Variants in TENM2 observed in about 807,000 individuals in gnomAD.
The protein encoded by TENM2 is teneurin-2.
In TENM2, 52 loss-of-function variants were observed where a neutral mutation model predicts 245.2. The observed-to-expected ratio is 0.21, with a 90% CI of 0.17 to 0.27. The LOEUF is 0.27. TENM2 is among the 10% of genes least tolerant of loss of function. The pLI, the probability that TENM2 is intolerant of heterozygous loss-of-function variation, is 1.00. For missense variants in TENM2, 3,046 were observed against 3,666.8 expected, an observed-to-expected ratio of 0.83 and a Z score of 4.37; for synonymous variants, 1,363 against 1,438.9, an observed-to-expected ratio of 0.95 and a Z score of 1.19.
At chr5:168,260,902 C>T (rs1218772116) in intron 28 of TENM2, among the ~76,000 whole-genome samples, 1 of 152,134 alleles carries the variant, frequency 6.6e-6, no homozygotes, top group African/African-American at 2.4e-5. Context: ...CTGCGATGAC[C>T]GAGGGGTGGT....
At chr5:167,947,603 A>G (rs971052074) in intron 3 of TENM2, among the ~76,000 whole-genome samples, 1 of 152,168 alleles carries the variant, frequency 6.6e-6, no homozygotes, top group Admixed American at 6.5e-5. Context: ...TTCAAGGTCA[A>G]ATTTGAACAG....
At chr5:167,459,500 TGGG>T in intron 2 of TENM2, among the ~76,000 whole-genome samples, 1 of 152,224 alleles carries the variant, frequency 6.6e-6, no homozygotes, top group Admixed American at 6.5e-5. Context: ...TTCAATCCTT[TGGG>T]GTATATACCC....
At chr5:168,106,180 C>T (rs758119867) in intron 9 of TENM2, among the ~76,000 whole-genome samples, 1 of 152,198 alleles carries the variant, frequency 6.6e-6, no homozygotes, top group Non-Finnish European at 1.5e-5. Flanking sequence ...GCCACAACCA[C>T]GGGAACATAA....
At chr5:167,724,263 A>G (rs528035379) in intron 2 of TENM2, among the ~76,000 whole-genome samples, 1 of 152,324 alleles carries the variant, frequency 6.6e-6, no homozygotes, top group East Asian at 1.9e-4. Context: ...GGTTTTGGAA[A>G]AGACAATCTG....
intron 2 of TENM2, among the ~76,000 whole-genome samples, chr5:167,767,495 G>A (rs1763111874): frequency 6.6e-6 from 1 of 152,176 alleles, no homozygotes; most frequent in Non-Finnish European, 1.5e-5. Context: ...CTGCCCAACA[G>A]TGTGAATGTA....
chr5:167,817,475 C>T (rs1044079236), intron 2 of TENM2, among the ~76,000 whole-genome samples: 3 of 152,098 alleles, frequency 2.0e-5, no homozygotes, highest in Non-Finnish European at 2.9e-5. Context: ...TATGAAAAGA[C>T]AGCCTTTATA....
At chr5:168,130,447 A>G (rs1025528154) in intron 12 of TENM2, 9 of 152,326 alleles carry the variant, frequency 5.9e-5, no homozygotes, top group South Asian at 4.1e-4. Context: ...GTATCTTTGG[A>G]ATATATTAGC....
At chr5:167,175,799 T>G in the TENM2 span, among the ~76,000 whole-genome samples, 1 of 152,222 alleles carries the variant, frequency 6.6e-6, no homozygotes, top group Admixed American at 6.5e-5. Context: ...AACCTGAGCC[T>G]CCTGGGTTCA....
chr5:167,318,739 A>G (rs1300739342), intron 1 of TENM2, among the ~76,000 whole-genome samples: 2 of 152,228 alleles, frequency 1.3e-5, no homozygotes, highest in African/African-American at 4.8e-5. Flanking sequence ...GTGGCCAGTT[A>G]GAAATATAGG....
the TENM2 span, among the ~76,000 whole-genome samples, chr5:167,216,173 C>T: frequency 5.9e-5 from 9 of 152,180 alleles, no homozygotes; most frequent in African/African-American, 1.4e-4. Context: ...GAATGGAAAG[C>T]GAAGGCAGTC....
At chr5:167,208,075 T>C in the TENM2 span, among the ~76,000 whole-genome samples, 1 of 152,184 alleles carries the variant, frequency 6.6e-6, no homozygotes, top group Admixed American at 6.5e-5. Context: ...ATTCTTATTG[T>C]AGTCTTTCAT....
chr5:167,789,611 G>A (rs1409550897), intron 2 of TENM2, among the ~76,000 whole-genome samples: 2 of 152,144 alleles, frequency 1.3e-5, no homozygotes, highest in South Asian at 2.1e-4. Context: ...ATTTGGGTTG[G>A]TTTTCTTTGC....
At chr5:167,764,980 G>C (rs899914396) in intron 2 of TENM2, among the ~76,000 whole-genome samples, 1 of 152,134 alleles carries the variant, frequency 6.6e-6, no homozygotes, top group Non-Finnish European at 1.5e-5. Context: ...AGCAAGCTGA[G>C]TATGGTGGAG....
rs74330669 is a variant in TENM2 at position 167,475,325 on chromosome 5, G to A, written c.502+99852G>A. 6.8e-3 allele frequency among the ~76,000 whole-genome samples: 1,029 copies of A among 151,992 alleles called. 27 individuals carry two copies. In the South Asian group the frequency reaches 0.08, roughly 12 times the overall value. On this transcript the variant is annotated intron_variant, in intron 2 of 28. Coordinates refer to ENST00000518659, the Ensembl canonical transcript of TENM2. ...GAAACTATTGACCCAAAGAAGTATT[G>A]TTTATGTACATTATACCTGCCAATA... is the stretch of plus-strand genomic sequence containing the variant.
At chr5:168,083,898 T>G (rs1285869957) in intron 7 of TENM2, among the ~76,000 whole-genome samples, 1 of 152,028 alleles carries the variant, frequency 6.6e-6, no homozygotes, top group Non-Finnish European at 1.5e-5. Flanking sequence ...TCCCAGTAGT[T>G]TTTTAACCCT....
At chr5:167,358,997 G>A (rs547132789) in intron 1 of TENM2, among the ~76,000 whole-genome samples, 4 of 151,750 alleles carry the variant, frequency 2.6e-5, no homozygotes, top group East Asian at 1.9e-4. Context: ...TGCCCACCCC[G>A]ACACTCTTTC....
At chr5:166,990,756 A>C in the TENM2 span, among the ~76,000 whole-genome samples, 1 of 152,194 alleles carries the variant, frequency 6.6e-6, no homozygotes, top group Non-Finnish European at 1.5e-5. Context: ...AAAATTTTTT[A>C]CTTTTCTGTT....
chr5:167,893,667 C>T lies in TENM2; in HGVS notation c.712+17472C>T, dbSNP rs140639866. 3.2e-3 allele frequency among the ~76,000 whole-genome samples: 476 copies of T among 148,272 alleles called. 4 individuals carry two copies. Among genetic ancestry groups the T allele is most frequent in the African/African-American group, 0.011 (448 of 40,148 alleles). ...TTTTTAGTAAGAGGCATTTCAAGAA[C>T]GTGTTAGAGGGAGAAAGAATGTTGC... On this transcript the variant is annotated intron_variant, in intron 3 of 28. Transcript: ENST00000518659.
At chr5:167,542,352 G>A (rs1772270051) in intron 2 of TENM2, among the ~76,000 whole-genome samples, 1 of 152,082 alleles carries the variant, frequency 6.6e-6, no homozygotes, top group Non-Finnish European at 1.5e-5. Context: ...TATAAACATG[G>A]TCTGCCCCTA....
Sources: gnomAD v4.1 joint callset for allele counts (sites outside exome capture counted in the v4.1 genomes callset) on GRCh38, gnomAD v4.1.1 for gene constraint, MANE v1.5 for transcripts, NCBI Gene and HGNC (gene_info 2026-07-23, HGNC 2026-07-21) for gene names.